GALNT14: variants seen among roughly 807,000 people sequenced by gnomAD.
GALNT14 encodes polypeptide N-acetylgalactosaminyltransferase 14, also known as UDP-GalNAc:polypeptide N-acetylgalactosaminyltransferase 14.
A neutral mutation model predicts 77.5 loss-of-function variants in GALNT14; 60 were observed. That is an observed-to-expected ratio of 0.77 (90% CI 0.63 to 0.96). The LOEUF (loss-of-function observed/expected upper bound fraction) is 0.96. GALNT14 is among the 40% of genes least tolerant of loss of function. The probability of loss-of-function intolerance (pLI) is 0.00; values close to 1 mark genes in which losing one functional copy is unlikely to be tolerated. For missense variants in GALNT14, 710 were observed against 731.0 expected (o/e 0.97, Z 0.33); for synonymous variants, 280 against 281.7 (o/e 0.99, Z 0.06).
chr2:30,944,194 C>G (rs1192266118), intron 8 of GALNT14, among the ~76,000 whole-genome samples: 1 of 152,196 alleles, frequency 6.6e-6, no homozygotes, highest in East Asian at 1.9e-4. Context: ...ACTCTTGAAG[C>G]TGAGACCACA....
intron 1 of GALNT14, among the ~76,000 whole-genome samples, chr2:31,026,685 C>T (rs1297030945): frequency 6.6e-6 from 1 of 152,156 alleles, no homozygotes; most frequent in Non-Finnish European, 1.5e-5. Flanking sequence ...GACTGTGGAC[C>T]AGTCTTTTCC....
chr2:30,923,547 G>A (rs74895555), intron 13 of GALNT14, among the ~76,000 whole-genome samples: 3,902 of 152,306 alleles, frequency 0.026, 179 homozygotes, highest in African/African-American at 0.087. Context: ...AAGGGGTCCT[G>A]CAGACTTAGG....
intron 2 of GALNT14, among the ~76,000 whole-genome samples, chr2:30,967,675 A>G (rs1668095559): frequency 6.6e-6 from 1 of 152,110 alleles, no homozygotes; most frequent in South Asian, 2.1e-4. Flanking sequence ...TCTCATGCCC[A>G]TGGCCTCTCA....
At chr2:30,893,682 G>A in the GALNT14 span, among the ~76,000 whole-genome samples, 3 of 152,120 alleles carry the variant, frequency 2.0e-5, no homozygotes, top group Non-Finnish European at 4.4e-5. Context: ...ACCTAGAAGT[G>A]TGAAGGATGG....
At chr2:31,084,238 GA>G (rs1219869143) in intron 1 of GALNT14, among the ~76,000 whole-genome samples, 2 of 152,228 alleles carry the variant, frequency 1.3e-5, no homozygotes, top group African/African-American at 4.8e-5. Flanking sequence ...CAGAGAGGTG[GA>G]AACTGAGGCT....
At chr2:31,040,755 C>A (rs79488082) in intron 1 of GALNT14, among the ~76,000 whole-genome samples, 2 of 152,202 alleles carry the variant, frequency 1.3e-5, no homozygotes, top group African/African-American at 2.4e-5. Context: ...GAATTTCCTG[C>A]CAGCCCTGCA....
the GALNT14 span, among the ~76,000 whole-genome samples, chr2:30,902,100 G>A: frequency 6.6e-6 from 1 of 152,182 alleles, no homozygotes; most frequent in African/African-American, 2.4e-5. Context: ...CAGACAGCCA[G>A]GGAAAGCTTG....
At chr2:31,115,846 C>T (rs1195503716) in intron 1 of GALNT14, among the ~76,000 whole-genome samples, 1 of 152,070 alleles carries the variant, frequency 6.6e-6, no homozygotes, top group Non-Finnish European at 1.5e-5. Flanking sequence ...CATAGCAAGA[C>T]CCTATTTTTA....
intron 1 of GALNT14, among the ~76,000 whole-genome samples, chr2:31,128,985 A>C (rs1287698855): frequency 1.3e-5 from 2 of 150,766 alleles, no homozygotes; most frequent in Admixed American, 6.6e-5. Context: ...AAAAAAACAC[A>C]CAAAGCAATG....
rs1258823994 is a variant in GALNT14, at chr2:30,910,817, C to T, written c.*84G>A. On this transcript the variant is annotated 3_prime_UTR_variant, in exon 15 of 15. Transcript: ENST00000349752. ...CAGTCCAGGATGTCTGAGGTGGTTGCAGGCTGCTTGCTGCCCAGTTTCCAG... is the reference window on the plus strand; with the variant it reads ...CAGTCCAGGATGTCTGAGGTGGTTGTAGGCTGCTTGCTGCCCAGTTTCCAG... 6.1e-6 allele frequency: 9 copies of T among 1,472,850 alleles called. No individual in the cohort carries two copies. The highest frequency in any genetic ancestry group is 7.4e-6 in the Non-Finnish European group (8 of 1,084,822). The allele number at this position is 1,472,850 out of a possible 1,614,324, so 91.2% of individuals were successfully genotyped here. A position where few individuals can be genotyped will look rare whatever the true frequency, so the allele number is the denominator to read the frequency against.
chr2:31,035,622 C>T lies in GALNT14; in HGVS notation c.130-42615G>A, dbSNP rs1303237511. 7.8e-4 allele frequency among the ~76,000 whole-genome samples: 94 copies of T among 121,104 alleles called. 1 individual carries two copies. Among genetic ancestry groups the T allele is most frequent in the African/African-American group, 2.9e-3 (83 of 28,436 alleles). The allele number at this position is 121,104 out of a possible 152,430, so 79.4% of individuals were successfully genotyped here. A position where few individuals can be genotyped will look rare whatever the true frequency, so the allele number is the denominator to read the frequency against. ...ATATACACACACACACACACCTACA[C>T]ACACACACACACACACACACACACA... On this transcript the variant is annotated intron_variant, in intron 1 of 14. Transcript: ENST00000349752.
intron 1 of GALNT14, chr2:31,073,284 TGTTA>T (rs930103180): frequency 2.6e-5 from 4 of 152,202 alleles, no homozygotes; most frequent in African/African-American, 7.2e-5. Context: ...ACTCAAAACA[TGTTA>T]GTTATAGACA....
chr2:31,134,849 T>C (rs1250234161), intron 1 of GALNT14, among the ~76,000 whole-genome samples: 3 of 152,212 alleles, frequency 2.0e-5, no homozygotes, highest in Non-Finnish European at 2.9e-5. Context: ...TCCCATTCCA[T>C]TCTTGTCCTG....
At chr2:31,052,461 C>T (rs1012994342) in intron 1 of GALNT14, among the ~76,000 whole-genome samples, 3 of 152,218 alleles carry the variant, frequency 2.0e-5, no homozygotes, top group Admixed American at 2.0e-4. Flanking sequence ...ATACCACCCG[C>T]ACTCAGGACA....
At chr2:30,888,117 G>A in the GALNT14 span, among the ~76,000 whole-genome samples, 4 of 152,124 alleles carry the variant, frequency 2.6e-5, no homozygotes, top group African/African-American at 9.7e-5. Context: ...TCCACTAGAT[G>A]GGGCTTCCTC....
chr2:30,915,890 A>C (rs1350096018), intron 13 of GALNT14, among the ~76,000 whole-genome samples: 1 of 152,232 alleles, frequency 6.6e-6, no homozygotes, highest in African/African-American at 2.4e-5. Flanking sequence ...AAAGCCCACC[A>C]AGAGTTTGTC....
At chr2:30,972,807 G>A (rs1265158177) in intron 2 of GALNT14, among the ~76,000 whole-genome samples, 4 of 152,212 alleles carry the variant, frequency 2.6e-5, no homozygotes, top group African/African-American at 7.2e-5. Flanking sequence ...TGTCCAGGAG[G>A]GAGGGACTGG....
chr2:31,109,102 C>T (rs1443394104), intron 1 of GALNT14, among the ~76,000 whole-genome samples: 2 of 152,212 alleles, frequency 1.3e-5, no homozygotes, highest in African/African-American at 4.8e-5. Flanking sequence ...CAACCCCTAA[C>T]ACCATAAAGG....
the GALNT14 span, among the ~76,000 whole-genome samples, chr2:30,904,263 A>C: frequency 6.6e-6 from 1 of 152,356 alleles, no homozygotes; most frequent in East Asian, 1.9e-4. Flanking sequence ...TGAGCGACGC[A>C]GAAGACGGTG....
Sources: allele counts gnomAD v4.1 joint callset (sites outside exome capture counted in the v4.1 genomes callset), GRCh38; gene constraint gnomAD v4.1.1; transcripts MANE v1.5; gene names NCBI Gene and HGNC (gene_info 2026-07-23, HGNC 2026-07-21).